The following SDK1 variants were observed in gnomAD, a reference collection of about 807,000 sequenced individuals.
SDK1 encodes the protein sidekick cell adhesion molecule 1.
Under a neutral mutation model 245.5 loss-of-function variants are expected in SDK1, and 157 were observed. That is an observed-to-expected ratio of 0.64 (90% CI 0.56 to 0.73). The LOEUF is 0.73. Ranked by LOEUF, SDK1 falls within the 30% of genes least tolerant of loss-of-function variation. The pLI, the probability that SDK1 is intolerant of heterozygous loss-of-function variation, is 0.00. For synonymous variants in SDK1, 1,647 were observed against 1,278.5 expected (o/e 1.29, Z -6.15); for missense variants, 3,583 against 3,002.3 (o/e 1.19, Z -4.52).
At chr7:3,972,170 C>T (rs548857779) in intron 12 of SDK1, among the ~76,000 whole-genome samples, 1 of 151,586 alleles carries the variant, frequency 6.6e-6, no homozygotes, top group South Asian at 2.1e-4. Context: ...AGCTCCACCT[C>T]CCGGGTTCAC....
rs993515386 is a variant in SDK1, at chr7:3,320,080, A to G, written c.298+18196A>G. Reference sequence around the variant, plus strand: ...CTTTTGAAATTGTTCTCCCCAATTTATTCCCCCTTTCCTCATTCTCTTCTG... The same window carrying G: ...CTTTTGAAATTGTTCTCCCCAATTTGTTCCCCCTTTCCTCATTCTCTTCTG... On this transcript the variant is annotated intron_variant, in intron 1 of 44. Transcript: ENST00000404826. 2.6e-5 allele frequency among the ~76,000 whole-genome samples: 4 copies of G among 151,954 alleles called. No individual in the cohort carries two copies. In the South Asian group the frequency reaches 6.3e-4, roughly 24 times the overall value.
chr7:3,890,338 G>T (rs115698698), intron 5 of SDK1, among the ~76,000 whole-genome samples: 4 of 152,196 alleles, frequency 2.6e-5, no homozygotes, highest in Non-Finnish European at 4.4e-5. Flanking sequence ...AGCAGATTGC[G>T]AAGACTTTGT....
intron 4 of SDK1, among the ~76,000 whole-genome samples, chr7:3,706,078 C>A (rs1398691268): frequency 6.6e-6 from 1 of 152,034 alleles, no homozygotes; most frequent in African/African-American, 2.4e-5. Flanking sequence ...TTTATTGATT[C>A]ATGTATGTTA....
intron 43 of SDK1, 50 bp from the exon 44 acceptor site, chr7:4,245,626 A>T: frequency 6.3e-7 from 1 of 1,598,180 alleles, no homozygotes; most frequent in Non-Finnish European, 8.6e-7. Flanking sequence ...TCCTCCGGGG[A>T]AGGGCGTCTT....
At chr7:3,658,488 G>GAAAAAAAAA (rs966462117) in intron 4 of SDK1, among the ~76,000 whole-genome samples, 1 of 141,848 alleles carries the variant, frequency 7.0e-6, no homozygotes. Context: ...AGTCTTTAAG[G>GAAAAAAAAA]AAAAAAAAAA....
chr7:3,575,926 C>T (rs888867533), intron 1 of SDK1, among the ~76,000 whole-genome samples: 1 of 151,998 alleles, frequency 6.6e-6, no homozygotes, highest in South Asian at 2.1e-4. Context: ...TGAAGCCTTT[C>T]ATCTCTGTTC....
At chr7:3,554,837 C>T (rs1476430133) in intron 1 of SDK1, among the ~76,000 whole-genome samples, 2 of 152,032 alleles carry the variant, frequency 1.3e-5, no homozygotes, top group Admixed American at 1.3e-4. Context: ...ATCCCATTTA[C>T]AATAGCTACA....
chr7:3,818,901 C>T (rs1779576571), intron 4 of SDK1, among the ~76,000 whole-genome samples: 2 of 152,186 alleles, frequency 1.3e-5, no homozygotes, highest in South Asian at 2.1e-4. Context: ...ATGGGGCCAG[C>T]TCTCTTGTGT....
At chr7:3,663,878 A>C in intron 4 of SDK1, among the ~76,000 whole-genome samples, 1 of 152,214 alleles carries the variant, frequency 6.6e-6, no homozygotes. Context: ...AACAGAACTG[A>C]ATTTCTTTTC....
At chr7:4,028,145 C>A (rs1043478757) in intron 17 of SDK1, among the ~76,000 whole-genome samples, 1 of 152,126 alleles carries the variant, frequency 6.6e-6, no homozygotes, top group Non-Finnish European at 1.5e-5. Context: ...GTTAGAAATA[C>A]AAATTCTCGG....
At chr7:3,374,744 C>CT (rs1781311731) in intron 1 of SDK1, among the ~76,000 whole-genome samples, 1 of 152,148 alleles carries the variant, frequency 6.6e-6, no homozygotes, top group Admixed American at 6.5e-5. Context: ...CCGGTCAACT[C>CT]TAATTCACCT....
intron 1 of SDK1, among the ~76,000 whole-genome samples, chr7:3,517,497 CT>C (rs1782791314): frequency 6.6e-6 from 1 of 152,124 alleles, no homozygotes; most frequent in African/African-American, 2.4e-5. Flanking sequence ...ATACTCAACA[CT>C]TTTGCTTGCT....
intron 1 of SDK1, among the ~76,000 whole-genome samples, chr7:3,618,742 A>G (rs1218612701): frequency 6.6e-6 from 1 of 152,252 alleles, no homozygotes; most frequent in Non-Finnish European, 1.5e-5. Context: ...GTTTTCTCGC[A>G]AATAGATTGC....
intron 4 of SDK1, among the ~76,000 whole-genome samples, chr7:3,820,291 A>C (rs754114399): frequency 3.9e-5 from 6 of 152,184 alleles, no homozygotes; most frequent in Non-Finnish European, 8.8e-5. Flanking sequence ...CTGGGACTAC[A>C]GGCGTGTGCC....
At chr7:3,694,357 A>G (rs552658481) in intron 4 of SDK1, among the ~76,000 whole-genome samples, 2 of 152,254 alleles carry the variant, frequency 1.3e-5, no homozygotes, top group African/African-American at 2.4e-5. Flanking sequence ...TGCAGGTTTC[A>G]TTTAGCTCAA....
intron 4 of SDK1, among the ~76,000 whole-genome samples, chr7:3,686,365 C>G (rs1784280933): frequency 6.6e-6 from 1 of 152,198 alleles, no homozygotes; most frequent in Non-Finnish European, 1.5e-5. Context: ...CATAAGCCAC[C>G]ATGCCTGGCC....
At chr7:4,230,668 G>T (rs771483607) in intron 40 of SDK1, among the ~76,000 whole-genome samples, 6 of 151,882 alleles carry the variant, frequency 4.0e-5, no homozygotes, top group Middle Eastern at 3.2e-3. Flanking sequence ...TAGCTGGAGG[G>T]AAGGAAGGAA....
At chr7:4,226,018 C>G (rs1272461708) in intron 40 of SDK1, among the ~76,000 whole-genome samples, 1 of 152,136 alleles carries the variant, frequency 6.6e-6, no homozygotes, top group African/African-American at 2.4e-5. Context: ...GCAGCTCAGG[C>G]AAATGAAACG....
chr7:4,162,947 G>A, intron 32 of SDK1, among the ~76,000 whole-genome samples: 1 of 152,244 alleles, frequency 6.6e-6, no homozygotes, highest in East Asian at 1.9e-4. Flanking sequence ...CCCAGCTGAA[G>A]AGTGGGGCGG....
Sources: allele counts gnomAD v4.1 joint callset (sites outside exome capture counted in the v4.1 genomes callset), GRCh38; gene constraint gnomAD v4.1.1; transcripts MANE v1.5; gene names NCBI Gene and HGNC (gene_info 2026-07-23, HGNC 2026-07-21).